GSE1: variants seen among roughly 807,000 people sequenced by gnomAD.
GSE1 encodes the protein Gse1 coiled-coil protein.
GSE1 carries 32 observed loss-of-function variants against 112.6 expected under a neutral mutation model. The ratio of observed to expected loss-of-function variants is 0.28; its 90% CI spans 0.21 to 0.38. The LOEUF (loss-of-function observed/expected upper bound fraction) is 0.38, where lower values mean the gene tolerates loss of function less well. GSE1 is among the 10% of genes least tolerant of loss of function. The probability of loss-of-function intolerance (pLI) is 1.00; values close to 1 mark genes in which losing one functional copy is unlikely to be tolerated. For synonymous variants in GSE1, 1,115 were observed against 735.6 expected (o/e 1.52, Z -8.35); for missense variants, 2,348 against 1,699.2 (o/e 1.38, Z -6.71).
At chr16:85,293,055 T>C (rs985869838) in intron 1 of GSE1, among the ~76,000 whole-genome samples, 4 of 152,178 alleles carry the variant, frequency 2.6e-5, no homozygotes, top group African/African-American at 9.7e-5. Context: ...CGCCACCGTG[T>C]TGCTGAACAC....
upstream of GSE1, among the ~76,000 whole-genome samples, chr16:85,552,791 C>A (rs952085444): frequency 1.3e-5 from 2 of 152,228 alleles, no homozygotes; most frequent in Non-Finnish European, 2.9e-5. Context: ...GGAAGGGGGG[C>A]ACCCAGCAGA....
At chr16:85,230,191 C>A (rs555909112) in intron 1 of GSE1, among the ~76,000 whole-genome samples, 3 of 152,146 alleles carry the variant, frequency 2.0e-5, no homozygotes, top group African/African-American at 7.2e-5. Context: ...CTTGTCTGGC[C>A]TCCTTTAACC....
intron 1 of GSE1, among the ~76,000 whole-genome samples, chr16:85,627,044 C>CT (rs564272210): frequency 0.017 from 416 of 25,042 alleles, 45 homozygotes; most frequent in East Asian, 0.062. Flanking sequence ...TTCTTCTTGC[C>CT]TTTTTTTTTT....
intron 2 of GSE1, among the ~76,000 whole-genome samples, chr16:85,374,260 G>A (rs1296095773): frequency 6.7e-6 from 1 of 149,354 alleles, no homozygotes; most frequent in African/African-American, 2.5e-5. Context: ...CGTGGTCCTC[G>A]GTGTGCAGTG....
chr16:85,590,444 C>T (rs554002019), intron 1 of GSE1, among the ~76,000 whole-genome samples: 1 of 143,562 alleles, frequency 7.0e-6, no homozygotes, highest in African/African-American at 2.6e-5. Context: ...TGAGTGTGAG[C>T]ATGTGTGATT....
intron 2 of GSE1, among the ~76,000 whole-genome samples, chr16:85,420,695 A>G (rs2048820258): frequency 6.6e-6 from 1 of 152,112 alleles, no homozygotes; most frequent in African/African-American, 2.4e-5. Context: ...CACACCTGTG[A>G]TCCGTCAGCA....
intron 1 of GSE1, among the ~76,000 whole-genome samples, chr16:85,628,913 T>C (rs530531950): frequency 1.3e-5 from 2 of 151,738 alleles, no homozygotes; most frequent in South Asian, 2.1e-4. Flanking sequence ...CCGAATCTCA[T>C]GTGGAAATGT....
At chr16:85,614,079 C>T (rs1313831066) in intron 1 of GSE1, among the ~76,000 whole-genome samples, 1 of 147,480 alleles carries the variant, frequency 6.8e-6, no homozygotes, top group Non-Finnish European at 1.5e-5. Flanking sequence ...GAGCGGCTCC[C>T]TGCCCCTCCC....
At chr16:85,496,991 C>G (rs1317573667) in intron 2 of GSE1, among the ~76,000 whole-genome samples, 1 of 152,086 alleles carries the variant, frequency 6.6e-6, no homozygotes, top group Non-Finnish European at 1.5e-5. Context: ...CTCTGCCTCC[C>G]AGGTTCAAGC....
At chr16:85,653,185 CCG>C in intron 3 of GSE1, among the ~76,000 whole-genome samples, 1 of 2,252 alleles carries the variant, frequency 4.4e-4, no homozygotes, top group Non-Finnish European at 1.0e-3. Flanking sequence ...GAGGCTCCCT[CCG>C]CCCCCCTCCT....
chr16:85,555,359 G>A (rs1025913558), upstream of GSE1: 2 of 984,836 alleles, frequency 2.0e-6, no homozygotes, highest in South Asian at 9.4e-5. Flanking sequence ...CTCTGAGTCA[G>A]TGGTGGGACG....
chr16:85,245,483 G>A (rs1341185619), intron 1 of GSE1, among the ~76,000 whole-genome samples: 9 of 152,156 alleles, frequency 5.9e-5, no homozygotes, highest in Admixed American at 4.6e-4. Context: ...TGTTGCTGTC[G>A]TCATTGTCCC....
chr16:85,226,123 A>G (rs1046284146), intron 1 of GSE1, among the ~76,000 whole-genome samples: 42 of 152,120 alleles, frequency 2.8e-4, no homozygotes, highest in African/African-American at 9.4e-4. Flanking sequence ...CCACTCCACC[A>G]TACTCACTTC....
chr16:85,642,504 G>C (rs1041413593), intron 2 of GSE1, among the ~76,000 whole-genome samples: 1 of 152,094 alleles, frequency 6.6e-6, no homozygotes, highest in Non-Finnish European at 1.5e-5. Context: ...GCTGAGACAG[G>C]GGTCTGTCGC....
intron 2 of GSE1, among the ~76,000 whole-genome samples, chr16:85,503,607 A>G (rs1212130674): frequency 2.0e-5 from 3 of 152,168 alleles, no homozygotes; most frequent in Non-Finnish European, 4.4e-5. Flanking sequence ...GACCCAAATT[A>G]TGATCTCTTG....
chr16:85,498,063 G>A (rs2051240821), intron 2 of GSE1, among the ~76,000 whole-genome samples: 1 of 152,084 alleles, frequency 6.6e-6, no homozygotes, highest in African/African-American at 2.4e-5. Context: ...GGTGGGGTGG[G>A]TGCCTGGATC....
intron 1 of GSE1, among the ~76,000 whole-genome samples, chr16:85,260,644 C>T (rs906304845): frequency 7.2e-5 from 11 of 152,194 alleles, no homozygotes; most frequent in Non-Finnish European, 1.3e-4. Flanking sequence ...TTCAACTCAG[C>T]GACTACTCTG....
intron 2 of GSE1, among the ~76,000 whole-genome samples, chr16:85,466,294 T>C (rs1257402406): frequency 6.6e-6 from 1 of 152,136 alleles, no homozygotes; most frequent in African/African-American, 2.4e-5. Context: ...TATGGAGCAG[T>C]TGCCACGCAG....
chr16:85,425,088 G>A (rs9923701), intron 2 of GSE1, among the ~76,000 whole-genome samples: 94,252 of 151,924 alleles, frequency 0.62, 32,068 homozygotes, highest in Non-Finnish European at 0.76. Flanking sequence ...CCAGGACTCC[G>A]GTCGGCCCTC....
Sources: gnomAD v4.1 joint callset for allele counts (sites outside exome capture counted in the v4.1 genomes callset) on GRCh38, gnomAD v4.1.1 for gene constraint, MANE v1.5 for transcripts, NCBI Gene and HGNC (gene_info 2026-07-23, HGNC 2026-07-21) for gene names.